Variants in OCRL observed in about 807,000 individuals in gnomAD.
OCRL encodes the protein OCRL inositol polyphosphate-5-phosphatase.
Under a neutral mutation model 78.9 loss-of-function variants are expected in OCRL, and 8 were observed. The observed-to-expected ratio is 0.10, with a 90% confidence interval of 0.06 to 0.18. The LOEUF (loss-of-function observed/expected upper bound fraction) is 0.18, where lower values mean the gene tolerates loss of function less well. Ranked by LOEUF, OCRL falls within the 10% of genes least tolerant of loss-of-function variation. The probability of loss-of-function intolerance (pLI) is 1.00; values close to 1 mark genes in which losing one functional copy is unlikely to be tolerated. For missense variants in OCRL, 454 were observed against 696.7 expected, an observed-to-expected ratio of 0.65 and a Z score of 3.92; for synonymous variants, 240 against 235.4, an observed-to-expected ratio of 1.02 and a Z score of -0.18.
chrX:129,579,606 CTT>C (rs922162972), intron 18 of OCRL, among the ~76,000 whole-genome samples: 1 of 112,050 alleles, frequency 8.9e-6, no homozygotes, highest in African/African-American at 3.2e-5. Context: ...ATAATAGTGA[CTT>C]TGCCACTCCT....
chrX:129,554,992 TAA>T (rs1399868505), intron 4 of OCRL, among the ~76,000 whole-genome samples: 1 of 99,616 alleles, frequency 1.0e-5, no homozygotes, highest in Admixed American at 1.1e-4. Context: ...AATAAATAAA[TAA>T]ATAAATAAAA....
chrX:129,560,471 A>G, intron 8 of OCRL, 79 bp from the exon 9 acceptor site: 2 of 614,074 alleles, frequency 3.3e-6, no homozygotes, highest in East Asian at 3.5e-5. Context: ...ATACCTTTGT[A>G]TGGAAGCGAA....
At chrX:129,589,146 A>G in intron 22 of OCRL, 133 bp downstream of exon 22, 21 of 705,842 alleles carry the variant, frequency 3.0e-5, no homozygotes, top group Non-Finnish European at 4.0e-5. Context: ...GCAGGACACC[A>G]ACATTGAGAG....
intron 16 of OCRL, 27 bp downstream of exon 16, chrX:129,575,277 T>C: frequency 1.0e-6 from 1 of 964,446 alleles, no homozygotes; most frequent in South Asian, 2.0e-5. Flanking sequence ...GATCTCCCTG[T>C]CTACTGCTCA....
intron 5 of OCRL, 58 bp from the exon 6 acceptor site, chrX:129,557,803 G>C (rs1399290282): frequency 7.3e-6 from 6 of 823,874 alleles, no homozygotes; most frequent in African/African-American, 2.0e-5. Context: ...TTTGGCTATA[G>C]TAAATTCTAC....
Position 129,576,549 on chromosome X carries a change from C to T in OCRL, c.2112C>T (p.Asp704=), listed in dbSNP as rs776427261. 4.3e-6 allele frequency: 5 copies of T among 1,164,987 alleles called. No individual in the cohort carries two copies. Among genetic ancestry groups the T allele is most frequent in the Non-Finnish European group, 5.9e-6 (5 of 854,414 alleles). Residue 704 remains aspartate, a synonymous_variant, in exon 18 of 24, where the codon GAC becomes GAT. Coordinates refer to ENST00000371113, the MANE Select transcript of OCRL (RefSeq NM_000276.4). ...IREVPVTKLI[D]LEEDSFLEKE... ...AAGTTCCTGTTACCAAACTCATAGACTTGGTAAGAACTGTCCCAAGACATA... is the reference window on the plus strand; with the variant it reads ...AAGTTCCTGTTACCAAACTCATAGATTTGGTAAGAACTGTCCCAAGACATA...
intron 2 of OCRL, among the ~76,000 whole-genome samples, chrX:129,543,632 T>C (rs1192255528): frequency 8.8e-6 from 1 of 113,257 alleles, no homozygotes; most frequent in East Asian, 2.7e-4. Flanking sequence ...ACAGCATTAA[T>C]ACTTTTATTT....
intron 4 of OCRL, among the ~76,000 whole-genome samples, chrX:129,556,790 G>T (rs1341252358): frequency 8.9e-6 from 1 of 112,157 alleles, no homozygotes; most frequent in Non-Finnish European, 1.9e-5. Context: ...AGTTGTAGAT[G>T]CTTCTTTTCA....
chrX:129,579,585 C>T (rs1423173648), intron 18 of OCRL, among the ~76,000 whole-genome samples: 1 of 111,946 alleles, frequency 8.9e-6, no homozygotes, highest in African/African-American at 3.2e-5. Flanking sequence ...TTCATCCTTC[C>T]AGCCCTTTTC....
intron 12 of OCRL, 42 bp downstream of exon 12, chrX:129,562,828 A>T (rs754270279): frequency 1.4e-5 from 16 of 1,115,852 alleles, no homozygotes; most frequent in Non-Finnish European, 1.9e-5. Context: ...TAGTGGCTAC[A>T]GGAGTTTGGA....
At chrX:129,547,528 A>AC (rs1935903298) in intron 3 of OCRL, among the ~76,000 whole-genome samples, 1 of 108,112 alleles carries the variant, frequency 9.2e-6, no homozygotes, top group African/African-American at 3.4e-5. Context: ...CCGTCTCAAA[A>AC]AAAAAAAAAA....
intron 2 of OCRL, among the ~76,000 whole-genome samples, chrX:129,541,218 G>A (rs1210220558): frequency 8.9e-6 from 1 of 112,329 alleles, no homozygotes; most frequent in Non-Finnish European, 1.9e-5. Context: ...AAAAATAAAT[G>A]CGAGAGTGGC....
At position 129,540,778 on chromosome X, in the gene OCRL, G is replaced by A. The variant is rs368472232; in HGVS notation, c.74G>A (p.Arg25Gln). 7.4e-6 allele frequency: 9 copies of A among 1,208,458 alleles called. No individual in the cohort carries two copies. The highest frequency in any genetic ancestry group is 1.8e-5 in the African/African-American group (1 of 56,992). Reference protein sequence around the residue: ...VEGMEMKGPLREPCALTLAQR... With the variant: ...VEGMEMKGPLQEPCALTLAQR... ...GGTATGGAGATGAAGGGTCCTCTCCGGGAGCCCTGCGCCCTGACCCTAGCC... is the reference window on the plus strand; with the variant it reads ...GGTATGGAGATGAAGGGTCCTCTCCAGGAGCCCTGCGCCCTGACCCTAGCC... The change falls in exon 2 of 24, where the codon CGG (arginine) becomes CAG (glutamine). Residue 25 changes from arginine to glutamine, a missense_variant. This residue lies in a region of OCRL where 177 missense variants were observed against 179.6 expected (regional missense o/e 0.99). Transcript: ENST00000371113.
At chrX:129,554,078 G>A (rs1936003442) in intron 4 of OCRL, among the ~76,000 whole-genome samples, 1 of 109,640 alleles carries the variant, frequency 9.1e-6, no homozygotes, top group African/African-American at 3.3e-5. Context: ...GATAAAAGGG[G>A]AAGTGAGAGC....
intron 18 of OCRL, among the ~76,000 whole-genome samples, chrX:129,580,544 G>A (rs749155819): frequency 6.8e-4 from 76 of 112,341 alleles, no homozygotes; most frequent in Non-Finnish European, 1.3e-3. Context: ...GTTACTTGTA[G>A]AATGGACTAA....
chrX:129,590,900 G>A lies in OCRL; in HGVS notation c.*630G>A, dbSNP rs1329373451. ...TGGCCTTTTCATGGCTCCACACTGGGTGGAACCATATTCTCTTAGATCACA... is the reference window on the plus strand; with the variant it reads ...TGGCCTTTTCATGGCTCCACACTGGATGGAACCATATTCTCTTAGATCACA... On this transcript the variant is annotated 3_prime_UTR_variant, in exon 24 of 24. Transcript: ENST00000371113. The A allele has an allele frequency of 1.8e-4, 21 of 118,186 alleles. No individual in the cohort carries two copies. Among genetic ancestry groups the A allele is most frequent in the Admixed American group, 1.6e-3 (19 of 11,808 alleles). The allele number at this position is 118,186 out of a possible 1,213,427, so 9.7% of individuals were successfully genotyped here.
intron 23 of OCRL, 58 bp downstream of exon 23, chrX:129,590,014 T>C (rs1486355032): frequency 1.4e-5 from 16 of 1,122,560 alleles, no homozygotes; most frequent in Non-Finnish European, 2.0e-5. Context: ...GTGCATTGTA[T>C]CCAGTATATA....
intron 4 of OCRL, among the ~76,000 whole-genome samples, chrX:129,554,152 TA>T (rs369917592): frequency 1.3e-3 from 126 of 98,474 alleles, no homozygotes; most frequent in East Asian, 1.9e-3. Context: ...CCCATCAGAT[TA>T]AAAAAAAAAA....
chrX:129,572,604 C>T (rs73567411), intron 15 of OCRL, among the ~76,000 whole-genome samples: 3,549 of 112,415 alleles, frequency 0.032, 142 homozygotes, highest in African/African-American at 0.11. Flanking sequence ...CCAAGTGCAC[C>T]GTGGCCAATT....
Sources: gnomAD v4.1 joint callset for allele counts (sites outside exome capture counted in the v4.1 genomes callset) on GRCh38, gnomAD v4.1.1 for gene constraint, gnomAD v4.1.1 regional missense constraint, MANE v1.5 for transcripts, NCBI Gene and HGNC (gene_info 2026-07-23, HGNC 2026-07-21) for gene names.